The following PALLD variants were observed in gnomAD, a reference collection of about 807,000 sequenced individuals.
PALLD encodes palladin.
PALLD carries 61 observed loss-of-function variants against 123.5 expected under a neutral mutation model. That is an observed-to-expected ratio of 0.49 (90% CI 0.40 to 0.61). The LOEUF (loss-of-function observed/expected upper bound fraction) is 0.61. Ranked by LOEUF, PALLD falls within the 20% of genes least tolerant of loss-of-function variation. The probability of loss-of-function intolerance (pLI) is 0.00; values close to 1 mark genes in which losing one functional copy is unlikely to be tolerated. For missense variants in PALLD, 1,273 were observed against 1,377.0 expected (o/e 0.92, Z 1.20); for synonymous variants, 465 against 496.4 (o/e 0.94, Z 0.84).
chr4:168,924,131 C>A, intron 18 of PALLD, 124 bp from the exon 19 acceptor site: 1 of 800,614 alleles, frequency 1.2e-6, no homozygotes, highest in Non-Finnish European at 2.1e-6. Context: ...TAGCATCTTA[C>A]CACCTGGAGT....
chr4:168,527,366 G>A (rs1271478619), intron 2 of PALLD, among the ~76,000 whole-genome samples: 1 of 140,140 alleles, frequency 7.1e-6, no homozygotes, highest in African/African-American at 2.7e-5. Context: ...AGATTGTGGT[G>A]AGCTGAGATC....
chr4:168,856,382 G>C (rs1209563009), intron 10 of PALLD, among the ~76,000 whole-genome samples: 1 of 152,186 alleles, frequency 6.6e-6, no homozygotes, highest in African/African-American at 2.4e-5. Flanking sequence ...TGGGATTGCT[G>C]AGTCTAATGG....
At chr4:168,910,148 C>G (rs1003530796) in intron 15 of PALLD, among the ~76,000 whole-genome samples, 2 of 151,114 alleles carry the variant, frequency 1.3e-5, no homozygotes, top group African/African-American at 2.4e-5. Flanking sequence ...TGGTTCTAAG[C>G]AGTAGCAGCA....
At chr4:168,837,783 G>A (rs559019791) in intron 10 of PALLD, among the ~76,000 whole-genome samples, 1 of 152,306 alleles carries the variant, frequency 6.6e-6, no homozygotes, top group East Asian at 1.9e-4. Flanking sequence ...AGCAAGTCCT[G>A]TGGCCCAGGC....
intron 10 of PALLD, among the ~76,000 whole-genome samples, chr4:168,770,054 G>A (rs1158406553): frequency 1.3e-5 from 2 of 152,154 alleles, no homozygotes; most frequent in Non-Finnish European, 2.9e-5. Flanking sequence ...CAGAGGCTGA[G>A]GGAAAGGAAG....
At chr4:168,860,876 C>T (rs780165799) in intron 10 of PALLD, among the ~76,000 whole-genome samples, 2 of 152,142 alleles carry the variant, frequency 1.3e-5, no homozygotes, top group South Asian at 4.1e-4. Flanking sequence ...CTAAAGAGAT[C>T]CTCATTTTTC....
At chr4:168,542,802 C>T (rs1765770749) in intron 2 of PALLD, among the ~76,000 whole-genome samples, 1 of 139,228 alleles carries the variant, frequency 7.2e-6, no homozygotes, top group South Asian at 2.3e-4. Flanking sequence ...CAGATACCAA[C>T]CTTGGGTGGG....
intron 2 of PALLD, among the ~76,000 whole-genome samples, chr4:168,594,657 A>G (rs901779142): frequency 3.9e-5 from 6 of 152,164 alleles, no homozygotes; most frequent in Non-Finnish European, 5.9e-5. Flanking sequence ...ATTACAAATG[A>G]GCATTCAGTA....
intron 2 of PALLD, among the ~76,000 whole-genome samples, chr4:168,646,332 G>A (rs895593141): frequency 4.6e-5 from 7 of 152,198 alleles, no homozygotes; most frequent in African/African-American, 1.7e-4. Flanking sequence ...TGGTACTAGT[G>A]CAGATGACTT....
chr4:168,755,232 CAAAAAA>C (rs34076268), intron 10 of PALLD, among the ~76,000 whole-genome samples: 1 of 104,548 alleles, frequency 9.6e-6, no homozygotes, highest in African/African-American at 3.8e-5. Flanking sequence ...GACTCCGTCT[CAAAAAA>C]AAAAAAAAAA....
chr4:168,629,023 T>TA (rs201079116), intron 2 of PALLD, among the ~76,000 whole-genome samples: 3,002 of 152,126 alleles, frequency 0.02, 103 homozygotes, highest in African/African-American at 0.068. Context: ...TAGTATTTTT[T>TA]TTTTTTTTTT....
chr4:168,532,856 CT>C (rs1764734058), intron 2 of PALLD, among the ~76,000 whole-genome samples: 1 of 152,100 alleles, frequency 6.6e-6, no homozygotes, highest in Non-Finnish European at 1.5e-5. Flanking sequence ...TTAGCTTTTG[CT>C]GAAGAAATAC....
intron 17 of PALLD, among the ~76,000 whole-genome samples, chr4:168,918,478 A>G (rs1043790754): frequency 2.0e-5 from 3 of 152,168 alleles, no homozygotes; most frequent in Non-Finnish European, 4.4e-5. Flanking sequence ...TGTGCAATAT[A>G]AAAAAGTTGA....
At chr4:168,919,359 A>C (rs1318993049) in intron 17 of PALLD, among the ~76,000 whole-genome samples, 1 of 152,028 alleles carries the variant, frequency 6.6e-6, no homozygotes, top group Non-Finnish European at 1.5e-5. Flanking sequence ...CCCCGTCTCT[A>C]CTAAAATACA....
At chr4:168,741,902 CTT>C (rs1379292033) in intron 10 of PALLD, among the ~76,000 whole-genome samples, 1 of 152,114 alleles carries the variant, frequency 6.6e-6, no homozygotes, top group East Asian at 1.9e-4. Flanking sequence ...TGACAGCTGA[CTT>C]TATTTTTCGA....
rs200195976 is a variant in PALLD, at chr4:168,511,473, G to A, written c.-32G>A. On this transcript the variant is annotated 5_prime_UTR_variant, in exon 2 of 22. Coordinates refer to ENST00000505667, the MANE Select transcript of PALLD (RefSeq NM_001166108.2). ...AGTGCCTCTGGCCTTCCTACTGAAA[G>A]CAGACACAGAGTGCATGAAGACCGT... 4.0e-5 allele frequency: 62 copies of A among 1,562,426 alleles called. 2 individuals are homozygous for A. In the East Asian group the frequency reaches 4.5e-4, roughly 11 times the overall value.
Position 168,810,678 on chromosome 4 carries a change from C to T in PALLD, c.1965-80244C>T, listed in dbSNP as rs190933046. Among the ~76,000 whole-genome samples the T allele has an allele frequency of 2.2e-3, 341 of 151,618 alleles. 1 individual carries two copies. Among genetic ancestry groups the T allele is most frequent in the Middle Eastern group, 0.01 (3 of 294 alleles). On this transcript the variant is annotated intron_variant, in intron 10 of 21. Transcript: ENST00000505667. The stretch of plus-strand genomic sequence containing the variant: ...AAAAAGAAGGCCGGGCGTGGTGGCT[C>T]ACGCCTGTAGTCCCAGCTACTCGGG...
chr4:168,618,073 C>T (rs771542753), intron 2 of PALLD, among the ~76,000 whole-genome samples: 1 of 152,052 alleles, frequency 6.6e-6, no homozygotes, highest in Admixed American at 6.5e-5. Context: ...CCAATGAGAA[C>T]AGGGAAGTGG....
At chr4:168,622,988 T>G (rs914113391) in intron 2 of PALLD, among the ~76,000 whole-genome samples, 2 of 152,240 alleles carry the variant, frequency 1.3e-5, no homozygotes, top group Admixed American at 1.3e-4. Context: ...AACATTTTCA[T>G]AGGAGAGTTA....
Sources: allele counts gnomAD v4.1 joint callset (sites outside exome capture counted in the v4.1 genomes callset), GRCh38; gene constraint gnomAD v4.1.1; transcripts MANE v1.5; gene names NCBI Gene and HGNC (gene_info 2026-07-23, HGNC 2026-07-21).